UCHL5: variants seen among roughly 807,000 people sequenced by gnomAD.
UCHL5 encodes the protein ubiquitin carboxyl-terminal hydrolase isozyme L5.
A neutral mutation model predicts 53.8 loss-of-function variants in UCHL5; 34 were observed. That is an observed-to-expected ratio of 0.63 (90% CI 0.48 to 0.84). UCHL5 has a LOEUF of 0.84. Among genes scored for constraint, UCHL5 ranks in the 40% least tolerant of loss-of-function variants. UCHL5 has a pLI of 0.00. For missense variants in UCHL5, 290 were observed against 385.6 expected (o/e 0.75, Z 2.08); for synonymous variants, 111 against 126.3 (o/e 0.88, Z 0.81).
At chr1:193,046,128 C>A (rs112717792) in intron 3 of UCHL5, among the ~76,000 whole-genome samples, 214 of 152,236 alleles carry the variant, frequency 1.4e-3, no homozygotes, top group African/African-American at 4.7e-3. Flanking sequence ...ACCTCCTGGG[C>A]TCAGGCAATC....
At chr1:193,053,246 A>C (rs1669625008) in intron 1 of UCHL5, among the ~76,000 whole-genome samples, 1 of 152,240 alleles carries the variant, frequency 6.6e-6, no homozygotes. Context: ...AGGGCATGGA[A>C]GGATGTTAAT....
chr1:193,038,387 G>A (rs1166895709), intron 3 of UCHL5, among the ~76,000 whole-genome samples: 3 of 150,624 alleles, frequency 2.0e-5, no homozygotes, highest in Non-Finnish European at 4.4e-5. Flanking sequence ...ACCGGGAGGC[G>A]GAGCTTGCAG....
At position 193,015,491 on chromosome 1, in the gene UCHL5, G is replaced by T. The variant is rs1456137596; in HGVS notation, c.*860C>A. ...ATATGGCTCTTGAAAACTGCAGGCT[G>T]TACGAAATTTATTCAAATTGGCATA... is the stretch of plus-strand genomic sequence containing the variant. On this transcript the variant is annotated 3_prime_UTR_variant, in exon 11 of 11. Transcript: ENST00000367454. The T allele has an allele frequency of 6.6e-6, 1 of 151,968 alleles. No homozygotes were observed. The highest frequency in any genetic ancestry group is 2.4e-5 in the African/African-American group (1 of 41,390). The allele number at this position is 151,968 out of a possible 1,614,324, so 9.4% of individuals were successfully genotyped here. A position where few individuals can be genotyped will look rare whatever the true frequency, so the allele number is the denominator to read the frequency against.
intron 7 of UCHL5, among the ~76,000 whole-genome samples, chr1:193,024,628 A>G (rs1190598482): frequency 6.7e-5 from 10 of 149,596 alleles, no homozygotes; most frequent in Admixed American, 6.7e-4. Flanking sequence ...ATATAATTAT[A>G]TCGTATAGTA....
chr1:193,018,838 T>G (rs1257424720), intron 10 of UCHL5: 6 of 1,559,544 alleles, frequency 3.8e-6, no homozygotes, highest in Admixed American at 1.9e-5. Flanking sequence ...CAAAACACAG[T>G]AAGATCCACT....
intron 10 of UCHL5, among the ~76,000 whole-genome samples, chr1:193,020,841 ATTT>A (rs1232629457): frequency 2.0e-5 from 3 of 151,930 alleles, no homozygotes; most frequent in Non-Finnish European, 4.4e-5. Context: ...TTTAAATTTT[ATTT>A]TAATACAGCA....
intron 3 of UCHL5, among the ~76,000 whole-genome samples, chr1:193,030,621 A>AT: frequency 6.6e-6 from 1 of 152,300 alleles, no homozygotes; most frequent in Admixed American, 6.5e-5. Context: ...GAGCTGAATA[A>AT]TTTTTTAAAT....
intron 3 of UCHL5, among the ~76,000 whole-genome samples, chr1:193,044,958 T>G (rs1272927765): frequency 1.3e-5 from 2 of 152,138 alleles, no homozygotes; most frequent in Non-Finnish European, 2.9e-5. Flanking sequence ...TAAACACAAC[T>G]GGAATAATAC....
At position 193,013,758 on chromosome 1, in the gene UCHL5, T is replaced by C. The variant is rs1053615129; in HGVS notation, c.*2593A>G. On this transcript the variant is annotated 3_prime_UTR_variant, in exon 11 of 11. Coordinates refer to ENST00000367454, the MANE Select transcript of UCHL5 (RefSeq NM_001199261.3). ...GATTAATTGAAAGTATTAATCTGCA[T>C]GTAACACCATAATATACACACAAAT... 2 of 152,172 alleles carry C rather than the reference T, an allele frequency of 1.3e-5. No homozygotes were observed. The highest frequency in any genetic ancestry group is 2.9e-5 in the Non-Finnish European group (2 of 68,022). The allele number at this position is 152,172 out of a possible 1,614,324, so 9.4% of individuals were successfully genotyped here.
chr1:193,045,618 C>T (rs1228368124), intron 3 of UCHL5, among the ~76,000 whole-genome samples: 1 of 152,162 alleles, frequency 6.6e-6, no homozygotes, highest in African/African-American at 2.4e-5. Flanking sequence ...AACTGTAGGT[C>T]AATTAAACCT....
chr1:193,059,903 T>C, upstream of UCHL5: 1 of 1,365,830 alleles, frequency 7.3e-7, no homozygotes, highest in Non-Finnish European at 9.8e-7. The surrounding 1 kb of genome is among the most constrained non-coding windows in gnomAD (Gnocchi z 4.9). Flanking sequence ...GCCGCGAAAC[T>C]ATCGCTCTTC....
chr1:193,046,254 C>T (rs972855325), intron 3 of UCHL5, among the ~76,000 whole-genome samples: 5 of 152,056 alleles, frequency 3.3e-5, no homozygotes, highest in Non-Finnish European at 5.9e-5. Flanking sequence ...TGGTCTCAAA[C>T]TCCTGGGCTC....
chr1:193,059,943 G>GGTGGAC (rs1672350803), upstream of UCHL5: 1 of 1,366,280 alleles, frequency 7.3e-7, no homozygotes, highest in Admixed American at 1.9e-5. This position sits in a 1 kb window ranked among gnomAD's most constrained non-coding sequence, Gnocchi z 4.9. Context: ...TGTCCACCCT[G>GGTGGAC]GGTAACGGAA....
intron 1 of UCHL5, among the ~76,000 whole-genome samples, chr1:193,056,998 G>A (rs1437968772): frequency 1.3e-5 from 2 of 152,124 alleles, no homozygotes; most frequent in Non-Finnish European, 2.9e-5. Context: ...CAAGTTTTCT[G>A]CACATATGAA....
chr1:193,027,025 C>A (rs1441078638), intron 7 of UCHL5, among the ~76,000 whole-genome samples: 2 of 152,144 alleles, frequency 1.3e-5, no homozygotes, highest in Non-Finnish European at 2.9e-5. Flanking sequence ...TCATATATAA[C>A]ATTCTTTAAA....
In UCHL5 at chr1:193,029,407, C is replaced by T. The variant is rs1434286375; in HGVS notation, c.415G>A (p.Val139Ile). The T allele has an allele frequency of 1.2e-6, 2 of 1,613,718 alleles. No individual in the cohort carries two copies. The highest frequency in any genetic ancestry group is 4.5e-5 in the East Asian group (2 of 44,844). Residue 139 changes from valine (V) to isoleucine (I), a missense_variant, in exon 5 of 11, where the codon GTA becomes ATA. Physicochemically the swap from Val to Ile is conservative, Grantham distance 29. Coordinates refer to ENST00000367454, the MANE Select transcript of UCHL5 (RefSeq NM_001199261.3). ...CTTTACCTGGCGAAACTGTTGTGTA[C>T]TTGTCGAATCACATCTGAATTGCTC... ...ALSNSDVIRQ[V>I]HNSFARQQMF... is the part of the protein sequence containing the mutation.
At position 193,015,591 on chromosome 1, in the gene UCHL5, T is replaced by C. The variant is rs1026845921; in HGVS notation, c.*760A>G. 1 of 152,144 alleles carries C rather than the reference T, an allele frequency of 6.6e-6. No individual in the cohort carries two copies. Among genetic ancestry groups the C allele is most frequent in the East Asian group, 1.9e-4 (1 of 5,188 alleles). The allele number at this position is 152,144 out of a possible 1,614,324, so 9.4% of individuals were successfully genotyped here. ...AACTGTCAGACCTCCAGTTTTTTTA[T>C]ACACAGCTTACAAGCTTGAAACAAT... On this transcript the variant is annotated 3_prime_UTR_variant, in exon 11 of 11. Transcript: ENST00000367454.
At chr1:193,059,430 G>T, upstream of UCHL5, 1 of 1,610,670 alleles carries the variant, frequency 6.2e-7, no homozygotes, top group Non-Finnish European at 8.5e-7. The surrounding 1 kb of genome is among the most constrained non-coding windows in gnomAD (Gnocchi z 4.9). Context: ...GCGACTGAGC[G>T]CGGGAGGACG....
intron 2 of UCHL5, among the ~76,000 whole-genome samples, chr1:193,051,146 A>G (rs1475567835): frequency 6.6e-6 from 1 of 152,136 alleles, no homozygotes; most frequent in Non-Finnish European, 1.5e-5. Context: ...CCAGACTCCA[A>G]GACTCCCACC....
Sources: gnomAD v4.1 joint callset for allele counts (sites outside exome capture counted in the v4.1 genomes callset) on GRCh38, gnomAD v4.1.1 for gene constraint, Gnocchi (gnomAD v3.1) non-coding constraint, MANE v1.5 for transcripts, NCBI Gene and HGNC (gene_info 2026-07-23, HGNC 2026-07-21) for gene names.